SNX24: variants seen among roughly 807,000 people sequenced by gnomAD.
SNX24 encodes the protein sorting nexin-24.
A neutral mutation model predicts 28.7 loss-of-function variants in SNX24; 22 were observed. That is an observed-to-expected ratio of 0.77 (90% CI 0.55 to 1.10). SNX24 has a LOEUF of 1.10. Ranked by LOEUF, SNX24 falls within the 50% of genes least tolerant of loss-of-function variation. The probability of loss-of-function intolerance (pLI) is 0.00; values close to 1 mark genes in which losing one functional copy is unlikely to be tolerated. For synonymous variants in SNX24, 69 were observed against 71.5 expected (o/e 0.96, Z 0.18); for missense variants, 221 against 201.1 (o/e 1.10, Z -0.60).
intron 1 of SNX24, among the ~76,000 whole-genome samples, chr5:122,909,558 A>G (rs1306239132): frequency 1.3e-5 from 2 of 152,140 alleles, no homozygotes; most frequent in Non-Finnish European, 2.9e-5. Context: ...AAGCATGTGT[A>G]TACCCGTGAG....
At chr5:122,982,163 A>G (rs1761421707) in intron 3 of SNX24, among the ~76,000 whole-genome samples, 1 of 152,182 alleles carries the variant, frequency 6.6e-6, no homozygotes. Flanking sequence ...TAGGGGGAAA[A>G]GGAAGGAGAA....
chr5:122,979,040 T>C (rs1761283862), intron 3 of SNX24, among the ~76,000 whole-genome samples: 2 of 148,968 alleles, frequency 1.3e-5, no homozygotes, highest in African/African-American at 5.0e-5. Flanking sequence ...ATGTAATATA[T>C]CCCTTCTAAA....
At chr5:123,004,666 C>T (rs1420866031) in intron 6 of SNX24, among the ~76,000 whole-genome samples, 1 of 152,190 alleles carries the variant, frequency 6.6e-6, no homozygotes, top group Non-Finnish European at 1.5e-5. Flanking sequence ...GTGGCCTGCC[C>T]CAGGCTCATG....
At chr5:122,975,032 C>T (rs944709398) in intron 3 of SNX24, among the ~76,000 whole-genome samples, 1 of 152,166 alleles carries the variant, frequency 6.6e-6, no homozygotes, top group African/African-American at 2.4e-5. Flanking sequence ...ACTGGAGGAC[C>T]ACAATGATGT....
At chr5:122,944,357 T>G (rs1271367219) in intron 2 of SNX24, among the ~76,000 whole-genome samples, 1 of 152,120 alleles carries the variant, frequency 6.6e-6, no homozygotes. Flanking sequence ...TGTCACCTGG[T>G]CACCCTAATT....
At chr5:122,962,857 A>G (rs1002385542) in intron 3 of SNX24, among the ~76,000 whole-genome samples, 1 of 152,194 alleles carries the variant, frequency 6.6e-6, no homozygotes, top group African/African-American at 2.4e-5. Flanking sequence ...GTGCATACTG[A>G]TTTTTAAAAA....
At chr5:122,958,327 C>A (rs965805143) in intron 3 of SNX24, among the ~76,000 whole-genome samples, 1 of 151,846 alleles carries the variant, frequency 6.6e-6, no homozygotes, top group Middle Eastern at 3.2e-3. Context: ...GGTCTCAGCT[C>A]ACTGCAACCT....
At chr5:122,851,122 T>G (rs1057076845) in intron 1 of SNX24, among the ~76,000 whole-genome samples, 56 of 152,286 alleles carry the variant, frequency 3.7e-4, no homozygotes, top group African/African-American at 1.3e-3. Context: ...ACTACTTAGG[T>G]CACAATACAA....
intron 5 of SNX24, among the ~76,000 whole-genome samples, chr5:123,026,816 C>G (rs1000915658): frequency 1.3e-5 from 2 of 152,184 alleles, no homozygotes; most frequent in African/African-American, 4.8e-5. Flanking sequence ...CCTCCAATAC[C>G]TCAAGGGTCT....
chr5:122,990,494 T>C (rs1761795690), intron 3 of SNX24, among the ~76,000 whole-genome samples: 1 of 152,188 alleles, frequency 6.6e-6, no homozygotes, highest in Admixed American at 6.5e-5. Flanking sequence ...GTGTACAGTA[T>C]GTAAAGAAAG....
At chr5:122,968,768 CAT>C (rs1760823741) in intron 3 of SNX24, among the ~76,000 whole-genome samples, 1 of 152,056 alleles carries the variant, frequency 6.6e-6, no homozygotes, top group African/African-American at 2.4e-5. Context: ...TATCACTACT[CAT>C]ATTAGAATAA....
At chr5:122,867,339 G>T (rs1334915885) in intron 1 of SNX24, among the ~76,000 whole-genome samples, 1 of 152,210 alleles carries the variant, frequency 6.6e-6, no homozygotes, top group African/African-American at 2.4e-5. Flanking sequence ...CAGAAGCATT[G>T]TGTGCAGGGA....
At chr5:122,968,626 A>G (rs1196932770) in intron 3 of SNX24, among the ~76,000 whole-genome samples, 2 of 152,154 alleles carry the variant, frequency 1.3e-5, no homozygotes, top group African/African-American at 2.4e-5. Flanking sequence ...TATTTTGACA[A>G]TGGCAGTCAT....
At chr5:122,931,673 T>C (rs1450032124) in intron 1 of SNX24, among the ~76,000 whole-genome samples, 1 of 152,148 alleles carries the variant, frequency 6.6e-6, no homozygotes, top group Non-Finnish European at 1.5e-5. Context: ...TTGTCCTTCA[T>C]GTATATTTCA....
intron 1 of SNX24, among the ~76,000 whole-genome samples, chr5:122,860,744 C>G (rs1755423232): frequency 6.6e-6 from 1 of 151,948 alleles, no homozygotes; most frequent in South Asian, 2.1e-4. Flanking sequence ...CTACAGGCGC[C>G]TGCCACCATG....
At chr5:122,869,058 AGT>A (rs1755859208) in intron 1 of SNX24, among the ~76,000 whole-genome samples, 1 of 152,244 alleles carries the variant, frequency 6.6e-6, no homozygotes, top group African/African-American at 2.4e-5. Context: ...ACCTGTGGAA[AGT>A]GTGCAACCAA....
chr5:122,914,421 A>G (rs538562168), intron 1 of SNX24, among the ~76,000 whole-genome samples: 28 of 152,218 alleles, frequency 1.8e-4, no homozygotes, highest in African/African-American at 6.3e-4. Context: ...AAAATGAGTT[A>G]GGGAGGATTC....
intron 3 of SNX24, among the ~76,000 whole-genome samples, chr5:122,993,183 C>T (rs576261402): frequency 6.6e-6 from 1 of 152,032 alleles, no homozygotes; most frequent in South Asian, 2.1e-4. Flanking sequence ...ACACATCTTG[C>T]AAATGGTGTC....
intron 5 of SNX24, among the ~76,000 whole-genome samples, chr5:123,001,644 T>A (rs565506987): frequency 6.6e-6 from 1 of 152,348 alleles, no homozygotes; most frequent in South Asian, 2.1e-4. Context: ...TTCATGCAAG[T>A]AATCAGAATG....
Sources: allele counts gnomAD v4.1 joint callset (sites outside exome capture counted in the v4.1 genomes callset), GRCh38; gene constraint gnomAD v4.1.1; transcripts MANE v1.5; gene names NCBI Gene and HGNC (gene_info 2026-07-23, HGNC 2026-07-21).